The following OLFM3 variants were observed in gnomAD, a reference collection of about 807,000 sequenced individuals.
OLFM3 encodes noelin-3.
Under a neutral mutation model 48.6 loss-of-function variants are expected in OLFM3, and 20 were observed. The ratio of observed to expected loss-of-function variants is 0.41; its 90% CI spans 0.29 to 0.60. The LOEUF (loss-of-function observed/expected upper bound fraction) is 0.60, where lower values mean the gene tolerates loss of function less well. Among genes scored for constraint, OLFM3 ranks in the 20% least tolerant of loss-of-function variants. OLFM3 has a pLI of 0.28. For synonymous variants in OLFM3, 222 were observed against 198.1 expected (o/e 1.12, Z -1.01); for missense variants, 437 against 544.3 (o/e 0.80, Z 1.96).
Position 101,804,664 on chromosome 1 carries a change from G to A in OLFM3, c.951C>T (p.Tyr317=). Residue 317 remains tyrosine, a synonymous_variant, in exon 6 of 6, where the codon TAC becomes TAT. Transcript: ENST00000370103. This position sits in a 1 kb window ranked among gnomAD's most constrained non-coding sequence, Gnocchi z 4.5. The stretch of plus-strand genomic sequence containing the variant: ...CAGAGAATCCACCCCATGTGTAGGG[G>A]TAAACATTATGAAAACCAGCATACT... ...SLEYAGFHNV[Y]PYTWGGFSDI... is the part of the protein sequence containing the mutation. The A allele has an allele frequency of 6.2e-7, 1 of 1,612,562 alleles. No individual in the cohort carries two copies. The highest frequency in any genetic ancestry group is 2.2e-5 in the East Asian group (1 of 44,800).
chr1:101,890,473 T>C (rs1188498308), intron 1 of OLFM3, among the ~76,000 whole-genome samples: 1 of 151,992 alleles, frequency 6.6e-6, no homozygotes, highest in Admixed American at 6.6e-5. Flanking sequence ...TTTAGACTTT[T>C]CTATAATTTC....
intron 1 of OLFM3, among the ~76,000 whole-genome samples, chr1:101,977,920 T>C (rs1031009126): frequency 6.6e-6 from 1 of 152,134 alleles, no homozygotes; most frequent in Non-Finnish European, 1.5e-5. Flanking sequence ...TGTTTATACT[T>C]TGTTTCTTTC....
intron 1 of OLFM3, among the ~76,000 whole-genome samples, chr1:101,934,153 T>C (rs754117694): frequency 3.3e-5 from 5 of 152,042 alleles, no homozygotes; most frequent in Non-Finnish European, 5.9e-5. Context: ...AATGTTCCAA[T>C]TGAAAGACAT....
At chr1:101,995,625 T>C (rs756188606) in intron 1 of OLFM3, among the ~76,000 whole-genome samples, 4 of 152,306 alleles carry the variant, frequency 2.6e-5, no homozygotes, top group African/African-American at 4.8e-5. Context: ...CCTACAAATA[T>C]CACAACCACA....
intron 1 of OLFM3, among the ~76,000 whole-genome samples, chr1:101,981,846 A>T (rs1317096569): frequency 6.6e-6 from 1 of 152,200 alleles, no homozygotes; most frequent in Non-Finnish European, 1.5e-5. Flanking sequence ...ATGGAGTTTT[A>T]TTTTATTTAT....
intron 4 of OLFM3, among the ~76,000 whole-genome samples, chr1:101,819,598 G>A (rs1043522081): frequency 5.9e-5 from 9 of 151,922 alleles, no homozygotes; most frequent in Non-Finnish European, 1.2e-4. Flanking sequence ...ATTGCATGGC[G>A]GTGTGAAGTT....
chr1:101,965,398 C>A (rs765743959), intron 1 of OLFM3, among the ~76,000 whole-genome samples: 2 of 152,176 alleles, frequency 1.3e-5, no homozygotes, highest in East Asian at 3.8e-4. Context: ...AAGTCATGCA[C>A]ATTTATTGTA....
At chr1:101,890,494 A>G (rs912002129) in intron 1 of OLFM3, among the ~76,000 whole-genome samples, 9 of 151,974 alleles carry the variant, frequency 5.9e-5, no homozygotes, top group East Asian at 1.9e-4. Context: ...TGAAATTTTT[A>G]TAAGTGTCAT....
intron 1 of OLFM3, among the ~76,000 whole-genome samples, chr1:101,985,806 G>T (rs1276514050): frequency 1.3e-5 from 2 of 152,108 alleles, no homozygotes; most frequent in Non-Finnish European, 2.9e-5. Flanking sequence ...AATTTTGTGT[G>T]TGTGTCACTA....
chr1:101,804,377 G>A lies in OLFM3; in HGVS notation c.1238C>T (p.Pro413Leu). ...TATGTGAAAGTATTGGTTATGGAAG[G>A]GAATGTCTGTGTACTCATATGTGGA... ...KTSTYEYTDI[P>L]FHNQYFHISM... The change falls in exon 6 of 6, where the codon CCC becomes CTC. Residue 413 changes from proline to leucine, a missense_variant. Pro to Leu is a moderately conservative substitution (Grantham distance 98). Transcript: ENST00000370103. This position sits in a 1 kb window ranked among gnomAD's most constrained non-coding sequence, Gnocchi z 4.5. 6.2e-7 allele frequency: 1 copy of A among 1,612,476 alleles called. No homozygotes were observed. The highest frequency in any genetic ancestry group is 8.5e-7 in the Non-Finnish European group (1 of 1,178,918).
chr1:101,906,632 T>G (rs1658559722), intron 1 of OLFM3, among the ~76,000 whole-genome samples: 1 of 152,158 alleles, frequency 6.6e-6, no homozygotes, highest in South Asian at 2.1e-4. Context: ...ACCTAAGATT[T>G]TCCAGTGCCC....
intron 1 of OLFM3, among the ~76,000 whole-genome samples, chr1:101,961,630 A>G (rs931606157): frequency 1.2e-4 from 19 of 152,166 alleles, no homozygotes; most frequent in African/African-American, 4.6e-4. Flanking sequence ...CTAATCTTGT[A>G]GTATTTCAAA....
chr1:101,888,636 C>T (rs1365542912), intron 1 of OLFM3, among the ~76,000 whole-genome samples: 1 of 152,058 alleles, frequency 6.6e-6, no homozygotes, highest in Non-Finnish European at 1.5e-5. Flanking sequence ...CAACAAAAGC[C>T]AAAATTGACA....
At chr1:101,982,105 A>T (rs1399677362) in intron 1 of OLFM3, among the ~76,000 whole-genome samples, 1 of 152,202 alleles carries the variant, frequency 6.6e-6, no homozygotes, top group East Asian at 1.9e-4. Flanking sequence ...ATAGTAGAAG[A>T]TTCTTTATTT....
At chr1:101,849,802 G>A (rs1159336833) in intron 1 of OLFM3, among the ~76,000 whole-genome samples, 1 of 152,164 alleles carries the variant, frequency 6.6e-6, no homozygotes, top group African/African-American at 2.4e-5. Context: ...CTGGGAGAAC[G>A]TTTAGTTTGG....
At chr1:101,853,342 C>A (rs551414354) in intron 1 of OLFM3, among the ~76,000 whole-genome samples, 153 of 152,110 alleles carry the variant, frequency 1.0e-3, no homozygotes, top group Admixed American at 2.3e-3. Flanking sequence ...TCCTTCCTCC[C>A]AAGATCATCT....
chr1:101,993,998 A>G (rs1222817458), intron 1 of OLFM3, among the ~76,000 whole-genome samples: 1 of 151,412 alleles, frequency 6.6e-6, no homozygotes, highest in Admixed American at 6.6e-5. Flanking sequence ...TGTAAACATT[A>G]TATAGTCTTC....
chr1:101,825,078 G>T lies in OLFM3; in HGVS notation c.540C>A (p.His180Gln). Residue 180 changes from histidine (H) to glutamine (Q), a missense_variant, in exon 4 of 6, where the codon CAC (histidine) becomes CAA (glutamine). By Grantham distance (24) the His-to-Gln change is conservative (BLOSUM62 0). Transcript: ENST00000370103. ...TTGTTTCCAAGCTCAGCACTCTTTG[G>T]TGTAGTTCCTCGTAGTCATAGGCAC... ...EIGAYDYEEL[H>Q]QRVLSLETRL... The T allele has an allele frequency of 6.2e-7, 1 of 1,614,060 alleles. No individual in the cohort carries two copies. Among genetic ancestry groups the T allele is most frequent in the Non-Finnish European group, 8.5e-7 (1 of 1,179,966 alleles).
chr1:101,873,999 A>G (rs765974041), intron 1 of OLFM3, among the ~76,000 whole-genome samples: 4 of 151,938 alleles, frequency 2.6e-5, no homozygotes, highest in Non-Finnish European at 5.9e-5. Context: ...TATGGCTTCA[A>G]CATTTAGTTA....
Sources: allele counts gnomAD v4.1 joint callset (sites outside exome capture counted in the v4.1 genomes callset), GRCh38; gene constraint gnomAD v4.1.1; non-coding constraint Gnocchi (gnomAD v3.1); transcripts MANE v1.5; gene names NCBI Gene and HGNC (gene_info 2026-07-23, HGNC 2026-07-21).